The following CSMD1 variants were observed in gnomAD, a reference collection of about 807,000 sequenced individuals.
The protein encoded by CSMD1 is CUB and sushi domain-containing protein 1.
In CSMD1, 213 loss-of-function variants were observed where a neutral mutation model predicts 417.5. That is an observed-to-expected ratio of 0.51 (90% CI 0.46 to 0.57). CSMD1 has a LOEUF of 0.57. CSMD1 is among the 20% of genes least tolerant of loss of function. The pLI is 0.00. For synonymous variants in CSMD1, 2,862 were observed against 1,736.8 expected (o/e 1.65, Z -16.11); for missense variants, 6,923 against 4,529.7 (o/e 1.53, Z -15.17).
intron 5 of CSMD1, among the ~76,000 whole-genome samples, chr8:3,854,315 C>A (rs1039906642): frequency 6.6e-6 from 1 of 151,534 alleles, no homozygotes. Context: ...GTGTGCACTG[C>A]CCTTTTTATT....
intron 1 of CSMD1, among the ~76,000 whole-genome samples, chr8:4,952,867 A>G (rs1808845551): frequency 6.6e-6 from 1 of 152,148 alleles, no homozygotes; most frequent in Non-Finnish European, 1.5e-5. Context: ...TTGGATGTAG[A>G]CTGTGATGTT....
At position 3,952,895 on chromosome 8, in the gene CSMD1, T is replaced by A. The variant is rs139916646; in HGVS notation, c.818+45008A>T. 6.6e-3 allele frequency among the ~76,000 whole-genome samples: 1,003 copies of A among 152,296 alleles called. 8 individuals are homozygous for A. The highest frequency in any genetic ancestry group is 0.02 in the African/African-American group (820 of 41,556). ...CAAATCATCTCTAACCCAAGGCAAC[T>A]CAGCGAAAGCTGTATTGAGTGCAAT... On this transcript the variant is annotated intron_variant, in intron 5 of 69. Coordinates refer to ENST00000635120, the MANE Select transcript of CSMD1 (RefSeq NM_033225.6).
intron 50 of CSMD1, among the ~76,000 whole-genome samples, chr8:3,042,110 C>A (rs892227485): frequency 6.6e-6 from 1 of 152,086 alleles, no homozygotes; most frequent in Non-Finnish European, 1.5e-5. Flanking sequence ...CCCAAGCCAC[C>A]CAGGCAGGAG....
At chr8:3,591,433 T>C (rs970760896) in intron 8 of CSMD1, among the ~76,000 whole-genome samples, 8 of 152,218 alleles carry the variant, frequency 5.3e-5, no homozygotes, top group African/African-American at 1.7e-4. Flanking sequence ...TTTCTAAATA[T>C]GGTTCTCATA....
chr8:3,506,048 G>C (rs530366632), intron 10 of CSMD1, among the ~76,000 whole-genome samples: 5 of 152,258 alleles, frequency 3.3e-5, no homozygotes, highest in African/African-American at 9.6e-5. Context: ...TGTAGAAAGG[G>C]CAACCAAGTT....
intron 9 of CSMD1, among the ~76,000 whole-genome samples, chr8:3,575,859 A>G (rs1800130314): frequency 6.6e-6 from 1 of 150,580 alleles, no homozygotes; most frequent in South Asian, 2.1e-4. Context: ...TTTTTTTTTA[A>G]ATCAATACAC....
chr8:3,673,380 G>C (rs573147563), intron 7 of CSMD1, among the ~76,000 whole-genome samples: 2 of 152,178 alleles, frequency 1.3e-5, no homozygotes, highest in African/African-American at 4.8e-5. Context: ...TGGAAAATTA[G>C]CAAGAATATG....
intron 48 of CSMD1, among the ~76,000 whole-genome samples, chr8:3,091,006 T>A (rs1460477163): frequency 6.6e-6 from 1 of 152,104 alleles, no homozygotes. Context: ...TACATTTTGA[T>A]GAGGAATATA....
At chr8:3,520,358 T>C (rs113664606) in intron 10 of CSMD1, among the ~76,000 whole-genome samples, 1,838 of 152,200 alleles carry the variant, frequency 0.012, 8 homozygotes, top group African/African-American at 0.019. Flanking sequence ...TTTTGACTAA[T>C]AATTATGATC....
intron 1 of CSMD1, among the ~76,000 whole-genome samples, chr8:4,931,009 A>G (rs1807211373): frequency 6.6e-6 from 1 of 152,196 alleles, no homozygotes; most frequent in South Asian, 2.1e-4. Context: ...TGTATTATCA[A>G]TGGGAGACAT....
chr8:3,964,649 C>G, intron 5 of CSMD1, among the ~76,000 whole-genome samples: 1 of 152,160 alleles, frequency 6.6e-6, no homozygotes, highest in East Asian at 1.9e-4. Flanking sequence ...ATTTGCTATT[C>G]AAGTTGAGGT....
chr8:4,468,558 A>G (rs1241621545), intron 2 of CSMD1, among the ~76,000 whole-genome samples: 1 of 152,148 alleles, frequency 6.6e-6, no homozygotes, highest in East Asian at 1.9e-4. Context: ...GTCCCCAGCT[A>G]AATCCTCCTT....
intron 3 of CSMD1, among the ~76,000 whole-genome samples, chr8:4,188,091 C>G (rs1372065111): frequency 6.6e-6 from 1 of 152,030 alleles, no homozygotes; most frequent in South Asian, 2.1e-4. Context: ...TGACTGCTGG[C>G]AGGATGCACG....
chr8:4,318,675 G>T (rs913761734), intron 3 of CSMD1, among the ~76,000 whole-genome samples: 1 of 145,142 alleles, frequency 6.9e-6, no homozygotes, highest in Non-Finnish European at 1.5e-5. Context: ...TGATATCACT[G>T]ATTTTTAACT....
intron 3 of CSMD1, among the ~76,000 whole-genome samples, chr8:4,054,427 A>G (rs1364045626): frequency 1.3e-5 from 2 of 152,122 alleles, no homozygotes; most frequent in African/African-American, 4.8e-5. Context: ...TCATACCCCT[A>G]AACTCTTGTA....
intron 5 of CSMD1, among the ~76,000 whole-genome samples, chr8:3,788,836 A>G (rs1199104187): frequency 6.6e-6 from 1 of 152,210 alleles, no homozygotes; most frequent in Non-Finnish European, 1.5e-5. Context: ...CAACCTTCAC[A>G]CTAACATTCT....
chr8:3,859,350 T>C (rs1804531550), intron 5 of CSMD1, among the ~76,000 whole-genome samples: 1 of 152,226 alleles, frequency 6.6e-6, no homozygotes, highest in Non-Finnish European at 1.5e-5. Context: ...TTCTCCATAA[T>C]ATTTTAGGTC....
intron 1 of CSMD1, among the ~76,000 whole-genome samples, chr8:4,947,792 A>T (rs1245999197): frequency 6.6e-6 from 1 of 152,096 alleles, no homozygotes; most frequent in African/African-American, 2.4e-5. Context: ...TTCAAACAAA[A>T]ATATGTTTCT....
chr8:3,577,325 C>A (rs934832947), intron 9 of CSMD1, among the ~76,000 whole-genome samples: 2 of 152,212 alleles, frequency 1.3e-5, no homozygotes, highest in Non-Finnish European at 2.9e-5. Context: ...TATGAAGTAC[C>A]AAGTTTCACA....
Sources: gnomAD v4.1 joint callset for allele counts (sites outside exome capture counted in the v4.1 genomes callset) on GRCh38, gnomAD v4.1.1 for gene constraint, MANE v1.5 for transcripts, NCBI Gene and HGNC (gene_info 2026-07-23, HGNC 2026-07-21) for gene names.